Variants in PIK3R1 observed in about 807,000 individuals in gnomAD.
PIK3R1 encodes phosphatidylinositol 3-kinase regulatory subunit alpha.
Under a neutral mutation model 98.0 loss-of-function variants are expected in PIK3R1, and 29 were observed. That is an observed-to-expected ratio of 0.30 (90% confidence interval 0.22 to 0.40). PIK3R1 has a LOEUF of 0.40. Among genes scored for constraint, PIK3R1 ranks in the 10% least tolerant of loss-of-function variants. PIK3R1 has a pLI of 1.00. For synonymous variants in PIK3R1, 282 were observed against 311.8 expected, an observed-to-expected ratio of 0.90 and a Z score of 1.01; for missense variants, 596 against 872.7, an observed-to-expected ratio of 0.68 and a Z score of 3.99.
Position 68,273,972 on chromosome 5 carries a change from G to A in PIK3R1, c.461G>A (p.Ser154Asn), listed in dbSNP as rs779606519. The change falls in exon 4 of 16, where the codon AGC becomes AAC. Residue 154 changes from serine (S) to asparagine (N), a missense_variant. Around this residue, in one of 3 missense-constraint regions of PIK3R1, gnomAD observed 352 missense variants for 393.3 expected, o/e 0.90. Transcript: ENST00000521381. Reference sequence around the variant, plus strand: ...TGTTCAACTCTATACAGAACACAGAGCTCCAGCAACCTGGCAGAATTACGA... The same window carrying A: ...TGTTCAACTCTATACAGAACACAGAACTCCAGCAACCTGGCAGAATTACGA... ...LECSTLYRTQ[S>N]SSNLAELRQL... 2 of 1,614,006 alleles carry A rather than the reference G, an allele frequency of 1.2e-6. No homozygotes were observed. The highest frequency in any genetic ancestry group is 2.2e-5 in the East Asian group (1 of 44,874).
At chr5:68,296,785 T>C (rs1747737861) in intron 15 of PIK3R1, among the ~76,000 whole-genome samples, 2 of 152,172 alleles carry the variant, frequency 1.3e-5, no homozygotes, top group Admixed American at 6.5e-5. Flanking sequence ...ATCCTTGAGA[T>C]AGGTACACCC....
intron 1 of PIK3R1, among the ~76,000 whole-genome samples, chr5:68,218,721 A>G (rs932791649): frequency 2.0e-5 from 3 of 152,222 alleles, no homozygotes; most frequent in East Asian, 1.9e-4. Flanking sequence ...TATGTTTCAT[A>G]TGAGCTCCTC....
At chr5:68,248,200 G>T (rs1210955775) in intron 2 of PIK3R1, among the ~76,000 whole-genome samples, 1 of 151,946 alleles carries the variant, frequency 6.6e-6, no homozygotes, top group Non-Finnish European at 1.5e-5. Flanking sequence ...GACTGGTCTT[G>T]AACTCTTGAC....
intron 2 of PIK3R1, among the ~76,000 whole-genome samples, chr5:68,237,855 CT>C (rs1186003894): frequency 6.6e-6 from 1 of 152,210 alleles, no homozygotes; most frequent in Non-Finnish European, 1.5e-5. Context: ...AGACCCATCT[CT>C]TCCCTAACTC....
chr5:68,250,965 T>C (rs1644185855), intron 2 of PIK3R1, among the ~76,000 whole-genome samples: 1 of 152,192 alleles, frequency 6.6e-6, no homozygotes, highest in African/African-American at 2.4e-5. Flanking sequence ...TAAGAGAGTG[T>C]GTATGTTTTC....
chr5:68,225,308 G>T, intron 1 of PIK3R1, among the ~76,000 whole-genome samples: 1 of 147,102 alleles, frequency 6.8e-6, no homozygotes, highest in African/African-American at 2.5e-5. Context: ...TTGCCTAATT[G>T]TGGCCGATTG....
intron 7 of PIK3R1, among the ~76,000 whole-genome samples, chr5:68,287,610 A>G (rs1747133307): frequency 6.6e-6 from 1 of 152,216 alleles, no homozygotes; most frequent in Non-Finnish European, 1.5e-5. Context: ...GTAGTCAGTA[A>G]TCCCAAGTCT....
intron 2 of PIK3R1, among the ~76,000 whole-genome samples, chr5:68,252,684 A>G (rs979178080): frequency 8.5e-5 from 13 of 152,362 alleles, no homozygotes; most frequent in Non-Finnish European, 1.8e-4. Flanking sequence ...ACTGATAATC[A>G]GAACAAAGAT....
intron 2 of PIK3R1, among the ~76,000 whole-genome samples, chr5:68,266,524 T>A (rs1477110103): frequency 6.6e-6 from 1 of 152,214 alleles, no homozygotes; most frequent in African/African-American, 2.4e-5. Context: ...ATTATCAAGA[T>A]CATTTAACTT....
intron 2 of PIK3R1, among the ~76,000 whole-genome samples, chr5:68,241,974 T>A (rs765101317): frequency 1.3e-5 from 2 of 152,254 alleles, no homozygotes; most frequent in Non-Finnish European, 2.9e-5. Context: ...ACTAGAAGCA[T>A]GTATCAAATC....
At chr5:68,254,771 T>TA (rs946219542) in intron 2 of PIK3R1, among the ~76,000 whole-genome samples, 1 of 152,234 alleles carries the variant, frequency 6.6e-6, no homozygotes, top group Non-Finnish European at 1.5e-5. Flanking sequence ...GTGTTTCTTT[T>TA]AGGTCTTAAA....
At chr5:68,223,081 A>T (rs528433698) in intron 1 of PIK3R1, among the ~76,000 whole-genome samples, 2 of 151,674 alleles carry the variant, frequency 1.3e-5, no homozygotes, top group African/African-American at 4.9e-5. Flanking sequence ...CAGCATCATC[A>T]TATCATCTAA....
chr5:68,218,379 T>A (rs576585586), intron 1 of PIK3R1, among the ~76,000 whole-genome samples: 16 of 152,208 alleles, frequency 1.1e-4, no homozygotes, highest in African/African-American at 3.9e-4. Context: ...TGTCATATAA[T>A]TTTTAGGTTG....
intron 2 of PIK3R1, among the ~76,000 whole-genome samples, chr5:68,253,079 C>T (rs1745379668): frequency 6.6e-6 from 1 of 152,110 alleles, no homozygotes; most frequent in Middle Eastern, 3.2e-3. Context: ...TTTTTATCTA[C>T]GTTGCATTTT....
Position 68,273,439 on chromosome 5 carries a change from C to T in PIK3R1, c.384C>T (p.Ala128=), listed in dbSNP as rs1678490428. ...LAEQFAPPDI[A]PPLLIKLVEA... ...AGCAGTTTGCCCCTCCTGACATTGCCCCGCCTCTTCTTATCAAGCTCGTGG... is the reference window on the plus strand; with the variant it reads ...AGCAGTTTGCCCCTCCTGACATTGCTCCGCCTCTTCTTATCAAGCTCGTGG... Residue 128 remains alanine (A), a synonymous_variant, in exon 3 of 16, where the codon GCC becomes GCT. Transcript: ENST00000521381. 1 of 1,613,916 alleles carries T rather than the reference C, an allele frequency of 6.2e-7. No homozygotes were observed. The highest frequency in any genetic ancestry group is 1.3e-5 in the African/African-American group (1 of 74,880).
chr5:68,266,053 C>T (rs1379375816), intron 2 of PIK3R1, among the ~76,000 whole-genome samples: 1 of 152,148 alleles, frequency 6.6e-6, no homozygotes, highest in African/African-American at 2.4e-5. Context: ...CTTGGTCAGC[C>T]AGTGGCCTGC....
At chr5:68,290,628 G>A in intron 7 of PIK3R1, 2 of 1,436,010 alleles carry the variant, frequency 1.4e-6, no homozygotes, top group Non-Finnish European at 1.8e-6. Flanking sequence ...AGGTTTCAGT[G>A]CAGCCCCTTA....
At chr5:68,293,966 T>C (rs1490435059) in intron 11 of PIK3R1, 132 bp downstream of exon 11, 1 of 710,152 alleles carries the variant, frequency 1.4e-6, no homozygotes, top group Admixed American at 3.3e-5. Context: ...TGTGAATCAT[T>C]GTTGATTATT....
At chr5:68,232,183 T>C (rs568495689) in intron 2 of PIK3R1, among the ~76,000 whole-genome samples, 2 of 152,336 alleles carry the variant, frequency 1.3e-5, no homozygotes, top group African/African-American at 4.8e-5. Context: ...AATATGTCAT[T>C]TGCATATTAA....
Sources: allele counts gnomAD v4.1 joint callset (sites outside exome capture counted in the v4.1 genomes callset), GRCh38; gene constraint gnomAD v4.1.1; regional missense constraint gnomAD v4.1.1; transcripts MANE v1.5; gene names NCBI Gene and HGNC (gene_info 2026-07-23, HGNC 2026-07-21).